ADAMTS17: variants seen among roughly 807,000 people sequenced by gnomAD.
The protein encoded by ADAMTS17 is ADAM metallopeptidase with thrombospondin type 1 motif 17, also known as A disintegrin and metalloproteinase with thrombospondin motifs 17.
ADAMTS17 carries 113 observed loss-of-function variants against 141.5 expected under a neutral mutation model. The ratio of observed to expected loss-of-function variants is 0.80; its 90% confidence interval spans 0.69 to 0.93. The LOEUF is 0.93. Among genes scored for constraint, ADAMTS17 ranks in the 40% least tolerant of loss-of-function variants. The pLI is 0.00. For synonymous variants in ADAMTS17, 768 were observed against 630.6 expected (o/e 1.22, Z -3.27); for missense variants, 1,659 against 1,517.9 (o/e 1.09, Z -1.54).
Position 100,281,576 on chromosome 15 carries a change from A to C in ADAMTS17, c.617-175T>G, listed in dbSNP as rs147440202. Among the ~76,000 whole-genome samples the C allele has an allele frequency of 4.1e-4, 62 of 152,270 alleles. 1 individual carries two copies. Among genetic ancestry groups the C allele is most frequent in the Middle Eastern group, 3.4e-3 (1 of 294 alleles). ...GTGGGTGCCCCGAGTTCACTCACGT[A>C]GGGGGGTGCTGGCCCAAAAGAAGGG... is the stretch of plus-strand genomic sequence containing the variant. On this transcript the variant is annotated intron_variant, in intron 3 of 21. Coordinates refer to ENST00000268070, the MANE Select transcript of ADAMTS17 (RefSeq NM_139057.4).
intron 20 of ADAMTS17, among the ~76,000 whole-genome samples, chr15:99,978,031 G>C (rs2060402327): frequency 6.6e-6 from 1 of 152,198 alleles, no homozygotes; most frequent in Admixed American, 6.5e-5. Context: ...GAGGGTTTGG[G>C]CGCAGCCTTG....
intron 8 of ADAMTS17, among the ~76,000 whole-genome samples, chr15:100,173,461 G>A (rs1394770159): frequency 6.6e-6 from 1 of 152,144 alleles, no homozygotes; most frequent in East Asian, 1.9e-4. Flanking sequence ...CCACCTGGTA[G>A]ACAAGGCACC....
At chr15:100,237,474 G>T (rs924147792) in intron 7 of ADAMTS17, among the ~76,000 whole-genome samples, 1 of 152,194 alleles carries the variant, frequency 6.6e-6, no homozygotes, top group African/African-American at 2.4e-5. Context: ...TGGGCATGAT[G>T]TCCTGGGGCA....
rs76847299 is a variant in ADAMTS17 at position 100,252,977 on chromosome 15, G to A, written c.1075+1159C>T. ...ACATCCAAGGCCACCCAGCTGGCAC[G>A]TGGCAGAGCCAGAACAAAGGCTTAG... On this transcript the variant is annotated intron_variant, in intron 7 of 21. Coordinates refer to ENST00000268070, the MANE Select transcript of ADAMTS17 (RefSeq NM_139057.4). Among the ~76,000 whole-genome samples the A allele has an allele frequency of 4.4e-3, 675 of 152,244 alleles. 40 individuals are homozygous for A. In the East Asian group the frequency reaches 0.11, roughly 25 times the overall value.
chr15:100,248,889 C>A (rs755092947), intron 7 of ADAMTS17, among the ~76,000 whole-genome samples: 4 of 151,712 alleles, frequency 2.6e-5, no homozygotes, highest in African/African-American at 9.7e-5. Context: ...ACCTCCACTT[C>A]CCAGGTTCTA....
rs60291834 is a variant in ADAMTS17 at position 100,127,892 on chromosome 15, GT to G, written c.1721+4114del. 3.3e-3 allele frequency among the ~76,000 whole-genome samples: 481 copies of G among 147,990 alleles called. 3 individuals carry two copies. Among genetic ancestry groups the G allele is most frequent in the African/African-American group, 9.2e-3 (369 of 40,220 alleles). On this transcript the variant is annotated intron_variant, in intron 12 of 21. Transcript: ENST00000268070. ...CCACTGGGCTCGGCCCCCTGATAAAGTTTTTTTTTTTTTCTGTACAATGAAG... is the reference window on the plus strand; with the variant it reads ...CCACTGGGCTCGGCCCCCTGATAAAGTTTTTTTTTTTTCTGTACAATGAAG...
At chr15:100,264,011 G>T (rs528530575) in intron 4 of ADAMTS17, among the ~76,000 whole-genome samples, 2 of 152,324 alleles carry the variant, frequency 1.3e-5, no homozygotes, top group South Asian at 4.1e-4. Flanking sequence ...GGAATCAGCC[G>T]TGTCACTGCT....
intron 8 of ADAMTS17, among the ~76,000 whole-genome samples, chr15:100,196,868 C>A (rs112782338): frequency 1.1e-4 from 16 of 152,170 alleles, no homozygotes; most frequent in Non-Finnish European, 2.2e-4. Context: ...CCAACACTTG[C>A]GACTAATCAA....
chr15:100,122,864 A>AT (rs1306488156), intron 12 of ADAMTS17, among the ~76,000 whole-genome samples: 1 of 152,242 alleles, frequency 6.6e-6, no homozygotes, highest in Non-Finnish European at 1.5e-5. Flanking sequence ...CAGCAGAGAC[A>AT]GAAAAAAACC....
At chr15:100,149,524 T>C (rs2039065632) in intron 10 of ADAMTS17, among the ~76,000 whole-genome samples, 1 of 152,196 alleles carries the variant, frequency 6.6e-6, no homozygotes, top group Non-Finnish European at 1.5e-5. Context: ...TCACCCCTGG[T>C]CACCTGCTCT....
At chr15:99,987,362 A>T (rs1019798819) in intron 20 of ADAMTS17, among the ~76,000 whole-genome samples, 1 of 152,180 alleles carries the variant, frequency 6.6e-6, no homozygotes, top group East Asian at 1.9e-4. Flanking sequence ...CAAGACCTCG[A>T]AACTGGACAA....
rs76999051 is a variant in ADAMTS17 at position 100,265,411 on chromosome 15, C to T, written c.790-2976G>A. On this transcript the variant is annotated intron_variant, in intron 4 of 21. Transcript: ENST00000268070. The stretch of plus-strand genomic sequence containing the variant: ...TTGGGGAGGGAACAGCGCAGCCAAG[C>T]GTCTGGAAATTCCGTCTCCGGCGTC... Among the ~76,000 whole-genome samples, 1,942 of 152,284 alleles carry T rather than the reference C, an allele frequency of 0.013. 120 individuals carry two copies. The East Asian group carries it at 0.18, about 14-fold the overall frequency.
chr15:100,219,663 C>T (rs1248155129), intron 7 of ADAMTS17, among the ~76,000 whole-genome samples: 4 of 152,170 alleles, frequency 2.6e-5, no homozygotes. Flanking sequence ...AAAGTCTTCA[C>T]ATGGACAAGG....
chr15:100,091,028 A>AAAAAG (rs369355348), intron 15 of ADAMTS17, among the ~76,000 whole-genome samples: 3 of 143,638 alleles, frequency 2.1e-5, no homozygotes, highest in African/African-American at 5.4e-5. Flanking sequence ...AAAAAAAAAA[A>AAAAAG]GGGTAACCAA....
intron 3 of ADAMTS17, among the ~76,000 whole-genome samples, chr15:100,327,258 CAG>C (rs1253552143): frequency 9.2e-5 from 14 of 152,226 alleles, no homozygotes; most frequent in East Asian, 7.7e-4. Context: ...GCAGTTTCTA[CAG>C]AGTTATAGTA....
intron 7 of ADAMTS17, among the ~76,000 whole-genome samples, chr15:100,220,961 C>T (rs778237257): frequency 5.9e-5 from 9 of 152,164 alleles, no homozygotes; most frequent in Non-Finnish European, 1.2e-4. Flanking sequence ...ACGGATAATG[C>T]GACTGTGATT....
intron 18 of ADAMTS17, among the ~76,000 whole-genome samples, chr15:100,028,127 T>C (rs939339451): frequency 6.6e-6 from 1 of 152,106 alleles, no homozygotes; most frequent in Non-Finnish European, 1.5e-5. Flanking sequence ...TCCATAATAA[T>C]ATCATGGGAA....
intron 12 of ADAMTS17, among the ~76,000 whole-genome samples, chr15:100,125,361 A>G (rs1173796084): frequency 1.3e-5 from 2 of 152,222 alleles, no homozygotes; most frequent in Non-Finnish European, 2.9e-5. Flanking sequence ...CATGGAAAGC[A>G]CATAGATGGG....
chr15:100,094,610 G>A (rs1415643846), intron 15 of ADAMTS17, among the ~76,000 whole-genome samples: 1 of 152,168 alleles, frequency 6.6e-6, no homozygotes, highest in East Asian at 1.9e-4. Flanking sequence ...CGATGGGAGT[G>A]GGCCTGGCTG....
Sources: allele counts gnomAD v4.1 joint callset (sites outside exome capture counted in the v4.1 genomes callset), GRCh38; gene constraint gnomAD v4.1.1; transcripts MANE v1.5; gene names NCBI Gene and HGNC (gene_info 2026-07-23, HGNC 2026-07-21).